Variants in DIP2C observed in about 807,000 individuals in gnomAD.
DIP2C encodes the protein disco-interacting protein 2 homolog C.
In DIP2C, 33 loss-of-function variants were observed where a neutral mutation model predicts 192.4. That is an observed-to-expected ratio of 0.17 (90% CI 0.13 to 0.23). The LOEUF (loss-of-function observed/expected upper bound fraction) is 0.23. Among genes scored for constraint, DIP2C ranks in the 10% least tolerant of loss-of-function variants. The pLI, the probability that DIP2C is intolerant of heterozygous loss-of-function variation, is 1.00. For missense variants in DIP2C, 1,537 were observed against 2,110.1 expected (o/e 0.73, Z 5.32); for synonymous variants, 979 against 864.1 (o/e 1.13, Z -2.33).
At chr10:574,468 C>T (rs1221633713) in intron 1 of DIP2C, among the ~76,000 whole-genome samples, 5 of 152,196 alleles carry the variant, frequency 3.3e-5, no homozygotes, top group African/African-American at 9.7e-5. Flanking sequence ...CCTCATATGA[C>T]GTGTGACAAC....
At chr10:574,218 A>G (rs1164868985) in intron 1 of DIP2C, among the ~76,000 whole-genome samples, 4 of 152,216 alleles carry the variant, frequency 2.6e-5, no homozygotes, top group Admixed American at 6.5e-5. Context: ...ACAAACATCT[A>G]TAACTTAAGC....
intron 32 of DIP2C, among the ~76,000 whole-genome samples, chr10:304,756 A>AAC (rs138459053): frequency 4.1e-4 from 28 of 67,952 alleles, no homozygotes; most frequent in African/African-American, 1.2e-3. Context: ...ACACACATAA[A>AAC]ACAGTACACT....
intron 1 of DIP2C, among the ~76,000 whole-genome samples, chr10:572,051 G>A (rs916151086): frequency 6.6e-6 from 1 of 152,212 alleles, no homozygotes; most frequent in African/African-American, 2.4e-5. Context: ...GAGGCTCTAG[G>A]GGTGTTTTCC....
intron 1 of DIP2C, chr10:668,214 A>G (rs1344215242): frequency 1.3e-5 from 2 of 152,430 alleles, no homozygotes; most frequent in African/African-American, 4.8e-5. Context: ...ATACACATAC[A>G]ACACACTCAT....
At chr10:453,582 G>C (rs1183108195) in intron 3 of DIP2C, among the ~76,000 whole-genome samples, 1 of 152,224 alleles carries the variant, frequency 6.6e-6, no homozygotes, top group Non-Finnish European at 1.5e-5. Context: ...TTCCACTTAG[G>C]GAGAGGCTAG....
intron 9 of DIP2C, among the ~76,000 whole-genome samples, chr10:401,588 T>C (rs76166918): frequency 4.2e-5 from 4 of 95,264 alleles, no homozygotes; most frequent in African/African-American, 1.6e-4. Context: ...CTATTTTACA[T>C]GTGTGGTAGC....
intron 1 of DIP2C, among the ~76,000 whole-genome samples, chr10:637,440 A>G (rs909608555): frequency 9.2e-5 from 14 of 152,386 alleles, no homozygotes; most frequent in Non-Finnish European, 1.9e-4. Context: ...TAGGAAGTCC[A>G]TGGTCAAGAC....
chr10:462,512 T>A (rs1969876218), intron 3 of DIP2C, among the ~76,000 whole-genome samples: 2 of 152,172 alleles, frequency 1.3e-5, no homozygotes, highest in African/African-American at 4.8e-5. Context: ...TAACAAGTTC[T>A]GAAATTGAGG....
intron 1 of DIP2C, among the ~76,000 whole-genome samples, chr10:648,529 G>A (rs11253298): frequency 0.018 from 2,760 of 151,904 alleles, 72 homozygotes; most frequent in African/African-American, 0.063. Context: ...GATGGTGGGC[G>A]AGAACAGAGG....
chr10:306,347 C>A (rs538441793), intron 32 of DIP2C, among the ~76,000 whole-genome samples: 1 of 152,166 alleles, frequency 6.6e-6, no homozygotes, highest in Admixed American at 6.5e-5. Flanking sequence ...ATGGCTAATA[C>A]CCCTGTTCGA....
chr10:578,946 T>C (rs529371753), intron 1 of DIP2C, among the ~76,000 whole-genome samples: 1 of 152,268 alleles, frequency 6.6e-6, no homozygotes, highest in African/African-American at 2.4e-5. Flanking sequence ...CATGTGTACG[T>C]GCATAGAGCA....
chr10:348,930 G>A (rs1340263814), intron 25 of DIP2C, among the ~76,000 whole-genome samples, 168 bp from the exon 26 acceptor site: 1 of 152,144 alleles, frequency 6.6e-6, no homozygotes, highest in African/African-American at 2.4e-5. Flanking sequence ...GGCGGTCACT[G>A]TCATTTACCT....
chr10:387,617 G>T, intron 14 of DIP2C, 128 bp downstream of exon 14: 1 of 816,858 alleles, frequency 1.2e-6, no homozygotes, highest in Admixed American at 1.8e-5. Context: ...CTCCTGTGTG[G>T]ACAGACAGTG....
intron 32 of DIP2C, among the ~76,000 whole-genome samples, chr10:301,583 T>G (rs922233045): frequency 1.1e-4 from 17 of 152,298 alleles, no homozygotes; most frequent in Admixed American, 6.5e-4. Context: ...CTAAAAATAT[T>G]AATGAGTTTA....
chr10:515,026 C>A (rs1172465917), intron 1 of DIP2C, among the ~76,000 whole-genome samples: 1 of 152,104 alleles, frequency 6.6e-6, no homozygotes, highest in Non-Finnish European at 1.5e-5. Flanking sequence ...GGTGAGCAGG[C>A]AGATAGTAAT....
chr10:504,833 G>A (rs937966528), intron 1 of DIP2C, among the ~76,000 whole-genome samples: 22 of 152,180 alleles, frequency 1.4e-4, no homozygotes, highest in African/African-American at 3.9e-4. Flanking sequence ...GCTGCATCAC[G>A]GCTTTCATTG....
intron 17 of DIP2C, chr10:370,160 G>A (rs1960792450): frequency 1.6e-6 from 1 of 629,912 alleles, no homozygotes; most frequent in South Asian, 7.0e-5. Flanking sequence ...TCTAAAATAA[G>A]ATTTACGCTG....
intron 21 of DIP2C, 44 bp from the exon 22 acceptor site, chr10:362,735 T>C: frequency 1.3e-6 from 2 of 1,558,098 alleles, no homozygotes; most frequent in Non-Finnish European, 1.7e-6. Context: ...AGAGGAAGTA[T>C]AAACAGTACG....
intron 3 of DIP2C, among the ~76,000 whole-genome samples, chr10:448,822 A>G (rs1471499162): frequency 5.1e-5 from 5 of 98,094 alleles, no homozygotes; most frequent in Non-Finnish European, 6.0e-5. Context: ...ACTCATCCTC[A>G]TCTATACTCA....
Sources: gnomAD v4.1 joint callset for allele counts (sites outside exome capture counted in the v4.1 genomes callset) on GRCh38, gnomAD v4.1.1 for gene constraint, MANE v1.5 for transcripts, NCBI Gene and HGNC (gene_info 2026-07-23, HGNC 2026-07-21) for gene names.